FNIP1: variants seen among roughly 807,000 people sequenced by gnomAD.
FNIP1 encodes folliculin interacting protein 1, also known as folliculin-interacting protein 1.
FNIP1 carries 40 observed loss-of-function variants against 124.5 expected under a neutral mutation model. That is an observed-to-expected ratio of 0.32 (90% CI 0.25 to 0.42). The LOEUF is 0.42. Among genes scored for constraint, FNIP1 ranks in the 10% least tolerant of loss-of-function variants. The pLI, the probability that FNIP1 is intolerant of heterozygous loss-of-function variation, is 1.00. For missense variants in FNIP1, 1,176 were observed against 1,403.7 expected (o/e 0.84, Z 2.59); for synonymous variants, 472 against 470.6 (o/e 1.00, Z -0.04).
rs1166566743 is a variant in FNIP1, at chr5:131,730,887, G to T, written c.354+17C>A. 4 of 1,574,936 alleles carry T rather than the reference G, an allele frequency of 2.5e-6. No individual in the cohort carries two copies. The highest frequency in any genetic ancestry group is 3.4e-6 in the Non-Finnish European group (4 of 1,159,572). On this transcript the variant is annotated intron_variant, in intron 3 of 17. Coordinates refer to ENST00000510461, the MANE Select transcript of FNIP1 (RefSeq NM_133372.3). ...ATTATAAATGAATGAATAAATAAAT[G>T]ACATCAATGATCTTACCTGGTACTT... is the stretch of plus-strand genomic sequence containing the variant.
intron 15 of FNIP1, among the ~76,000 whole-genome samples, chr5:131,664,297 AGTTT>A (rs575326916): frequency 1.3e-3 from 198 of 152,304 alleles, no homozygotes; most frequent in Non-Finnish European, 1.8e-3. Context: ...AGATTGAATC[AGTTT>A]GTTTATAAGG....
At chr5:131,708,698 A>C (rs1304983940) in intron 8 of FNIP1, among the ~76,000 whole-genome samples, 1 of 152,098 alleles carries the variant, frequency 6.6e-6, no homozygotes, top group East Asian at 1.9e-4. Context: ...GTGTTCCGTA[A>C]GGGCAGACTC....
intron 15 of FNIP1, among the ~76,000 whole-genome samples, chr5:131,661,220 T>TGTGTGTGTGTGTGTGTGTGTGTGTG (rs1554092139): frequency 6.9e-4 from 102 of 147,738 alleles, no homozygotes; most frequent in African/African-American, 2.4e-3. Context: ...TGTCTTTGTT[T>TGTGTGTGTGTGTGTGTGTGTGTGTG]TGTGTGTGTG....
At position 131,643,437 on chromosome 5, in the gene FNIP1, G is replaced by T. The variant is rs1443041354; in HGVS notation, c.*1248C>A. 1 of 152,568 alleles carries T rather than the reference G, an allele frequency of 6.6e-6. No individual in the cohort carries two copies. The highest frequency in any genetic ancestry group is 1.5e-5 in the Non-Finnish European group (1 of 67,984). 9.5% of individuals were successfully genotyped at this position (152,568 alleles called of 1,614,324 possible). On this transcript the variant is annotated 3_prime_UTR_variant, in exon 18 of 18. Transcript: ENST00000510461. Reference sequence around the variant, plus strand: ...AAGTCTCTTAGACCAGATAAGCAAAGAATAAACTATAATGTAGTACTCAAG... The same window carrying T: ...AAGTCTCTTAGACCAGATAAGCAAATAATAAACTATAATGTAGTACTCAAG...
At chr5:131,688,424 A>T (rs1768357776) in intron 11 of FNIP1, among the ~76,000 whole-genome samples, 2 of 152,092 alleles carry the variant, frequency 1.3e-5, no homozygotes, top group East Asian at 3.9e-4. Context: ...TATTAAACTC[A>T]GTTCCTATAT....
intron 3 of FNIP1, among the ~76,000 whole-genome samples, chr5:131,723,629 T>G (rs745611233): frequency 3.9e-4 from 60 of 152,188 alleles, no homozygotes; most frequent in Non-Finnish European, 6.0e-4. Context: ...TTCTAAGTAC[T>G]CATTCCTGGA....
chr5:131,681,141 G>A (rs1768064293), intron 11 of FNIP1, among the ~76,000 whole-genome samples: 1 of 152,146 alleles, frequency 6.6e-6, no homozygotes. Flanking sequence ...TGGCCCCGAG[G>A]AATGACCTTT....
intron 15 of FNIP1, among the ~76,000 whole-genome samples, chr5:131,661,785 T>C (rs1399092839): frequency 6.6e-6 from 1 of 152,156 alleles, no homozygotes; most frequent in African/African-American, 2.4e-5. Flanking sequence ...AAGGTAAGAA[T>C]TTCTTACCAG....
intron 15 of FNIP1, among the ~76,000 whole-genome samples, chr5:131,657,736 CA>C (rs59097834): frequency 9.2e-4 from 60 of 65,040 alleles, no homozygotes; most frequent in East Asian, 5.0e-3. Flanking sequence ...GAAAATAAGG[CA>C]AAAAAAAAAA....
intron 1 of FNIP1, among the ~76,000 whole-genome samples, chr5:131,759,900 T>C (rs147673800): frequency 9.2e-4 from 140 of 152,332 alleles, no homozygotes; most frequent in African/African-American, 3.2e-3. Context: ...TGGAGTAATA[T>C]GCAGCCATAA....
chr5:131,793,008 A>C (rs934306132), intron 1 of FNIP1, among the ~76,000 whole-genome samples: 2 of 152,140 alleles, frequency 1.3e-5, no homozygotes, highest in African/African-American at 4.8e-5. Context: ...TTGCCAAATT[A>C]GTTTTCAGGA....
intron 10 of FNIP1, among the ~76,000 whole-genome samples, chr5:131,701,750 G>A (rs992319000): frequency 4.6e-5 from 7 of 152,070 alleles, no homozygotes; most frequent in African/African-American, 9.7e-5. Context: ...TCTTCAAAAC[G>A]CACTACCAAG....
intron 1 of FNIP1, among the ~76,000 whole-genome samples, chr5:131,764,436 A>G (rs942106404): frequency 2.0e-4 from 30 of 150,926 alleles, no homozygotes; most frequent in Non-Finnish European, 4.0e-4. Flanking sequence ...CTCCCAGTAG[A>G]TGGGACCACA....
intron 1 of FNIP1, 121 bp downstream of exon 1, chr5:131,796,709 C>T (rs1772615751): frequency 2.2e-6 from 2 of 898,506 alleles, no homozygotes; most frequent in African/African-American, 1.7e-5. Context: ...CCACCGAGGA[C>T]CAGATGCTGC....
chr5:131,710,902 T>C (rs1352351826), intron 6 of FNIP1, among the ~76,000 whole-genome samples: 1 of 152,216 alleles, frequency 6.6e-6, no homozygotes, highest in Non-Finnish European at 1.5e-5. Flanking sequence ...CTATATGTAA[T>C]AAAAACAAGC....
intron 1 of FNIP1, among the ~76,000 whole-genome samples, chr5:131,785,111 ATC>A (rs1409883573): frequency 1.3e-4 from 3 of 22,274 alleles, no homozygotes; most frequent in Non-Finnish European, 2.0e-4. Context: ...CTATATATAT[ATC>A]ATATATATGA....
intron 1 of FNIP1, among the ~76,000 whole-genome samples, chr5:131,780,091 T>C (rs886142476): frequency 4.6e-5 from 7 of 152,014 alleles, no homozygotes; most frequent in African/African-American, 7.2e-5. Flanking sequence ...AGGAAATCCA[T>C]GTAAGCAAGG....
intron 6 of FNIP1, among the ~76,000 whole-genome samples, chr5:131,715,848 A>C (rs911457186): frequency 2.0e-5 from 3 of 151,938 alleles, no homozygotes; most frequent in Admixed American, 6.5e-5. Flanking sequence ...ATATTTATTA[A>C]AATTAATTAT....
chr5:131,766,827 G>A (rs1179214008), intron 1 of FNIP1, among the ~76,000 whole-genome samples: 2 of 152,146 alleles, frequency 1.3e-5, no homozygotes, highest in Non-Finnish European at 2.9e-5. Flanking sequence ...CCAAAGGCAG[G>A]ACAATGTTCC....
Sources: allele counts gnomAD v4.1 joint callset (sites outside exome capture counted in the v4.1 genomes callset), GRCh38; gene constraint gnomAD v4.1.1; transcripts MANE v1.5; gene names NCBI Gene and HGNC (gene_info 2026-07-23, HGNC 2026-07-21).